Variants in GALNT10 observed in about 807,000 individuals in gnomAD.
GALNT10 encodes the protein polypeptide N-acetylgalactosaminyltransferase 10.
Under a neutral mutation model 75.0 loss-of-function variants are expected in GALNT10, and 41 were observed. The observed-to-expected ratio is 0.55, with a 90% CI of 0.43 to 0.71. The LOEUF is 0.71. Ranked by LOEUF, GALNT10 falls within the 30% of genes least tolerant of loss-of-function variation. The pLI, the probability that GALNT10 is intolerant of heterozygous loss-of-function variation, is 0.00. For missense variants in GALNT10, 727 were observed against 818.5 expected, an observed-to-expected ratio of 0.89 and a Z score of 1.36; for synonymous variants, 302 against 313.0, an observed-to-expected ratio of 0.96 and a Z score of 0.37.
At chr5:154,219,128 C>T (rs1389074618) in intron 1 of GALNT10, among the ~76,000 whole-genome samples, 5 of 152,252 alleles carry the variant, frequency 3.3e-5, no homozygotes, top group African/African-American at 4.8e-5. Context: ...CCTGCTCTCC[C>T]ACCTGCTCGC....
At chr5:154,292,067 G>T (rs1754202225) in intron 1 of GALNT10, among the ~76,000 whole-genome samples, 2 of 152,194 alleles carry the variant, frequency 1.3e-5, no homozygotes, top group African/African-American at 4.8e-5. Flanking sequence ...AAAGCACCTT[G>T]AAAGCCACCA....
chr5:154,402,552 C>T lies in GALNT10; in HGVS notation c.1057-1552C>T, dbSNP rs1276596184. Among the ~76,000 whole-genome samples, 2 of 152,208 alleles carry T rather than the reference C, an allele frequency of 1.3e-5. No individual in the cohort carries two copies. The highest frequency in any genetic ancestry group is 2.9e-5 in the Non-Finnish European group (2 of 68,040). ...ATTACCCCCAGAATCCATCTTAACA[C>T]AATACACAGTTATGATGGCAGCGCT... On this transcript the variant is annotated intron_variant, in intron 7 of 11. Transcript: ENST00000297107. This position sits in a 1 kb window ranked among gnomAD's most constrained non-coding sequence, Gnocchi z 4.2.
At chr5:154,240,690 C>T (rs1349632000) in intron 1 of GALNT10, among the ~76,000 whole-genome samples, 1 of 152,114 alleles carries the variant, frequency 6.6e-6, no homozygotes, top group African/African-American at 2.4e-5. Context: ...GCAAGTGTAG[C>T]TGAAAGTATT....
At chr5:154,312,713 C>T (rs879710182) in intron 3 of GALNT10, among the ~76,000 whole-genome samples, 1 of 152,188 alleles carries the variant, frequency 6.6e-6, no homozygotes, top group Non-Finnish European at 1.5e-5. Context: ...CATATCTTTA[C>T]ATTTTTATTT....
intron 4 of GALNT10, among the ~76,000 whole-genome samples, chr5:154,365,844 C>G (rs1342062207): frequency 1.1e-4 from 16 of 152,154 alleles, no homozygotes; most frequent in Non-Finnish European, 4.4e-5. Flanking sequence ...CATTAGCATT[C>G]CACCCAAACT....
intron 1 of GALNT10, among the ~76,000 whole-genome samples, chr5:154,242,489 T>C (rs1173199412): frequency 1.3e-5 from 2 of 152,238 alleles, no homozygotes; most frequent in East Asian, 3.8e-4. Flanking sequence ...CTTTGAATAC[T>C]CTTTGGTGCA....
chr5:154,217,237 T>G (rs1246832607), intron 1 of GALNT10, among the ~76,000 whole-genome samples: 1 of 152,188 alleles, frequency 6.6e-6, no homozygotes, highest in Non-Finnish European at 1.5e-5. Flanking sequence ...ACTCCCACCC[T>G]TCCCAATTTT....
chr5:154,385,722 C>A (rs1437006975), intron 6 of GALNT10, among the ~76,000 whole-genome samples: 1 of 152,206 alleles, frequency 6.6e-6, no homozygotes, highest in Non-Finnish European at 1.5e-5. Context: ...TGGAGTTAAT[C>A]TTATCTCCCA....
chr5:154,299,157 G>C (rs1754325514), intron 3 of GALNT10, among the ~76,000 whole-genome samples: 1 of 152,198 alleles, frequency 6.6e-6, no homozygotes, highest in Non-Finnish European at 1.5e-5. Context: ...TCAAAGTGTG[G>C]TTCCCAGACC....
At chr5:154,371,677 G>T (rs1363043855) in intron 4 of GALNT10, among the ~76,000 whole-genome samples, 1 of 152,134 alleles carries the variant, frequency 6.6e-6, no homozygotes, top group East Asian at 1.9e-4. Context: ...AGCTGAGAGA[G>T]TTGGGGCAAG....
intron 1 of GALNT10, among the ~76,000 whole-genome samples, chr5:154,248,744 A>G (rs1327484473): frequency 6.6e-6 from 1 of 151,840 alleles, no homozygotes; most frequent in Non-Finnish European, 1.5e-5. Context: ...AATTTTGTTG[A>G]TCTTTTCAAA....
intron 1 of GALNT10, among the ~76,000 whole-genome samples, chr5:154,232,872 T>C (rs1753171474): frequency 6.6e-6 from 1 of 152,244 alleles, no homozygotes; most frequent in African/African-American, 2.4e-5. Context: ...TTTATAGATA[T>C]GTTCTGGATA....
chr5:154,400,505 T>A (rs1327627051), intron 7 of GALNT10, among the ~76,000 whole-genome samples: 2 of 152,168 alleles, frequency 1.3e-5, no homozygotes, highest in Non-Finnish European at 2.9e-5. Context: ...GTGCTCCAGC[T>A]GGCCATCCTG....
chr5:154,338,611 A>G (rs530517434), intron 4 of GALNT10, among the ~76,000 whole-genome samples: 1 of 152,362 alleles, frequency 6.6e-6, no homozygotes, highest in Non-Finnish European at 1.5e-5. Flanking sequence ...ATAATATTCC[A>G]TAGTGGGAAT....
chr5:154,295,664 A>AC lies in GALNT10; in HGVS notation c.262+747dup, dbSNP rs571519489. Reference sequence around the variant, plus strand: ...GGAGAATCAACTCTAGGGAGCCTGGACTAAGGAGTCAGGAGAGCAGCTCTG... The same window carrying AC: ...GGAGAATCAACTCTAGGGAGCCTGGACCTAAGGAGTCAGGAGAGCAGCTCTG... On this transcript the variant is annotated intron_variant, in intron 2 of 11. Transcript: ENST00000297107. 5.9e-5 allele frequency among the ~76,000 whole-genome samples: 9 copies of AC among 152,318 alleles called. No individual in the cohort carries two copies. In the East Asian group the frequency reaches 1.7e-3, roughly 29 times the overall value.
chr5:154,397,440 A>G (rs1233946170), intron 7 of GALNT10, among the ~76,000 whole-genome samples: 1 of 152,202 alleles, frequency 6.6e-6, no homozygotes. Context: ...CTGAGCTTCT[A>G]CATTACCTCA....
intron 4 of GALNT10, among the ~76,000 whole-genome samples, chr5:154,340,542 C>T (rs1402953916): frequency 2.0e-5 from 3 of 152,184 alleles, no homozygotes; most frequent in African/African-American, 7.2e-5. Context: ...GTATGTTCTT[C>T]TGTTTTCATT....
chr5:154,271,665 A>C (rs762124512), intron 1 of GALNT10, among the ~76,000 whole-genome samples: 1 of 152,180 alleles, frequency 6.6e-6, no homozygotes, highest in Non-Finnish European at 1.5e-5. Flanking sequence ...GAGCCTTGAC[A>C]TATTTTAGAC....
chr5:154,398,186 A>G (rs1756086764), intron 7 of GALNT10, among the ~76,000 whole-genome samples: 1 of 152,120 alleles, frequency 6.6e-6, no homozygotes, highest in African/African-American at 2.4e-5. Context: ...ATGTTTGGGA[A>G]CTCCTGTGCT....
Sources: allele counts gnomAD v4.1 joint callset (sites outside exome capture counted in the v4.1 genomes callset), GRCh38; gene constraint gnomAD v4.1.1; non-coding constraint Gnocchi (gnomAD v3.1); transcripts MANE v1.5; gene names NCBI Gene and HGNC (gene_info 2026-07-23, HGNC 2026-07-21).